CPNE2: variants seen among roughly 807,000 people sequenced by gnomAD.
CPNE2 encodes copine 2, also known as copine-2.
Under a neutral mutation model 69.7 loss-of-function variants are expected in CPNE2, and 42 were observed. The observed-to-expected ratio is 0.60, with a 90% CI of 0.47 to 0.78. The LOEUF is 0.78. Among genes scored for constraint, CPNE2 ranks in the 30% least tolerant of loss-of-function variants. The probability of loss-of-function intolerance (pLI) is 0.00; values close to 1 mark genes in which losing one functional copy is unlikely to be tolerated. For synonymous variants in CPNE2, 294 were observed against 289.8 expected (o/e 1.01, Z -0.15); for missense variants, 587 against 732.0 (o/e 0.80, Z 2.29).
At chr16:57,138,311 C>T (rs1311394781) in intron 14 of CPNE2, among the ~76,000 whole-genome samples, 1 of 152,148 alleles carries the variant, frequency 6.6e-6, no homozygotes, top group Non-Finnish European at 1.5e-5. Flanking sequence ...TCACCCACTT[C>T]CCCATGGCCA....
chr16:57,127,662 T>A (rs1383749225), intron 11 of CPNE2, among the ~76,000 whole-genome samples, 187 bp from the exon 12 acceptor site: 1 of 152,198 alleles, frequency 6.6e-6, no homozygotes. Flanking sequence ...AGGCCACATG[T>A]TCACCAGGTC....
rs1277564188 is a variant in CPNE2, at chr16:57,121,088, C to T, written c.682-5C>T. The T allele has an allele frequency of 6.2e-7, 1 of 1,611,802 alleles. No individual in the cohort carries two copies. ...TCTGGGGTGACCGTGCTGAACCCAC[C>T]CCAGGTCATGTGCTACGACTATGAC... On this transcript the variant is annotated splice_region_variant and splice_polypyrimidine_tract_variant and intron_variant, in intron 7 of 15. Transcript: ENST00000290776.
chr16:57,121,256 C>A, intron 8 of CPNE2, 65 bp downstream of exon 8: 1 of 1,441,870 alleles, frequency 6.9e-7, no homozygotes, highest in Non-Finnish European at 9.6e-7. Context: ...GGCACCGGGT[C>A]TTGGGTCAGG....
chr16:57,145,906 G>GC lies in CPNE2; in HGVS notation c.1303-177dup, dbSNP rs1347425658. ...CAGGTCAGAGTTTAGAGCATGAGAG[G>GC]CCTGCAGGGGTGGGGTGCTGAGAGC... is the stretch of plus-strand genomic sequence containing the variant. On this transcript the variant is annotated intron_variant, in intron 14 of 15. Coordinates refer to ENST00000290776, the MANE Select transcript of CPNE2 (RefSeq NM_152727.6). 23 of 618,572 alleles carry GC rather than the reference G, an allele frequency of 3.7e-5. No homozygotes were observed. The East Asian group carries it at 5.8e-4, about 16-fold the overall frequency. The allele number at this position is 618,572 out of a possible 1,614,324, so 38.3% of individuals were successfully genotyped here.
chr16:57,124,401 C>T (rs2069785521), intron 10 of CPNE2: 1 of 456,534 alleles, frequency 2.2e-6, no homozygotes, highest in South Asian at 1.6e-5. Flanking sequence ...TTCCTATTTT[C>T]TGGGCACTTG....
intron 3 of CPNE2, among the ~76,000 whole-genome samples, chr16:57,113,885 C>T (rs936582701): frequency 2.0e-5 from 3 of 152,194 alleles, no homozygotes; most frequent in Admixed American, 6.5e-5. Context: ...TCCTGGAGGC[C>T]GGGAGCAAGC....
At chr16:57,098,295 G>A (rs528136699) in intron 1 of CPNE2, among the ~76,000 whole-genome samples, 1 of 152,262 alleles carries the variant, frequency 6.6e-6, no homozygotes, top group African/African-American at 2.4e-5. Flanking sequence ...CTGGCTGCCT[G>A]TTGGAGTGTG....
chr16:57,093,536 C>G (rs1567662969), intron 1 of CPNE2, among the ~76,000 whole-genome samples: 1 of 152,064 alleles, frequency 6.6e-6, no homozygotes, highest in Non-Finnish European at 1.5e-5. Flanking sequence ...CCACGTCCCC[C>G]CGAGTTCAAG....
At chr16:57,127,159 A>G (rs189149135) in intron 11 of CPNE2, among the ~76,000 whole-genome samples, 1 of 152,322 alleles carries the variant, frequency 6.6e-6, no homozygotes, top group Admixed American at 6.5e-5. Context: ...TGGGAGCACA[A>G]AAAGAGAGGC....
intron 10 of CPNE2, chr16:57,125,250 A>C (rs1489672446): frequency 2.2e-6 from 1 of 455,696 alleles, no homozygotes; most frequent in Non-Finnish European, 4.4e-6. Flanking sequence ...CCTGTTAATA[A>C]GCACCTGCCT....
intron 1 of CPNE2, among the ~76,000 whole-genome samples, chr16:57,096,971 G>C (rs114082993): frequency 6.6e-6 from 1 of 152,000 alleles, no homozygotes. Context: ...AGGAAACAGC[G>C]CATGCAAAGG....
intron 11 of CPNE2, among the ~76,000 whole-genome samples, chr16:57,127,421 T>C (rs1268294731): frequency 4.6e-5 from 7 of 152,150 alleles, no homozygotes; most frequent in Non-Finnish European, 2.9e-5. Context: ...TGGGACTGGA[T>C]GACACAGGAC....
In CPNE2 at chr16:57,137,263, C is replaced by T. The variant is rs1188586262; in HGVS notation, c.1283C>T (p.Thr428Ile). The change falls in exon 14 of 16, where the codon ACA becomes ATA. Residue 428 changes from threonine to isoleucine, a missense_variant. Thr to Ile is a moderately conservative substitution (Grantham distance 89). Around this residue, in one of 5 missense-constraint regions of CPNE2, gnomAD observed 185 missense variants for 252.3 expected, o/e 0.73. Transcript: ENST00000290776. Reference protein sequence around the residue: ...NHVARFAAQATQQRTATQYFI... With the variant: ...NHVARFAAQAIQQRTATQYFI... ...GTGGCCCGGTTTGCGGCCCAGGCCA[C>T]ACAACAGCGGACGGCCACGGTGAGT... 5 of 1,614,224 alleles carry T rather than the reference C, an allele frequency of 3.1e-6. No individual in the cohort carries two copies. Among genetic ancestry groups the T allele is most frequent in the African/African-American group, 1.3e-5 (1 of 75,058 alleles).
chr16:57,118,648 A>G (rs868086381), intron 5 of CPNE2, among the ~76,000 whole-genome samples: 4 of 141,678 alleles, frequency 2.8e-5, no homozygotes, highest in African/African-American at 1.1e-4. Context: ...GAGACCCCAT[A>G]GATGGATGGA....
At chr16:57,093,960 C>A in intron 1 of CPNE2, 1 of 442,402 alleles carries the variant, frequency 2.3e-6, no homozygotes, top group Non-Finnish European at 4.6e-6. Flanking sequence ...GGAACTTGGC[C>A]CAGACCCTCC....
At chr16:57,131,544 T>C (rs1447820852) in intron 12 of CPNE2, among the ~76,000 whole-genome samples, 1 of 152,184 alleles carries the variant, frequency 6.6e-6, no homozygotes, top group African/African-American at 2.4e-5. Flanking sequence ...TTCAAAGAAC[T>C]GAATGAGATG....
chr16:57,095,791 A>G (rs1345841670), intron 1 of CPNE2, among the ~76,000 whole-genome samples: 1 of 152,176 alleles, frequency 6.6e-6, no homozygotes, highest in Non-Finnish European at 1.5e-5. Context: ...TTATCTGGCC[A>G]CACTTGCTCT....
rs755169229 is a variant in CPNE2, at chr16:57,137,375, C to T, written c.1302+93C>T. On this transcript the variant is annotated intron_variant, in intron 14 of 15. Transcript: ENST00000290776. Reference sequence around the variant, plus strand: ...ATTCTGCCTTCTCTTTGCTTTAAATCCTAGTGGACACCTCTGGGCCTTGCT... The same window carrying T: ...ATTCTGCCTTCTCTTTGCTTTAAATTCTAGTGGACACCTCTGGGCCTTGCT... 6.3e-4 allele frequency: 936 copies of T among 1,479,002 alleles called. 4 individuals carry two copies. In the Middle Eastern group the frequency reaches 0.026, roughly 40 times the overall value. 91.6% of individuals were successfully genotyped at this position (1,479,002 alleles called of 1,614,324 possible). A position where few individuals can be genotyped will look rare whatever the true frequency, so the allele number is the denominator to read the frequency against.
chr16:57,117,650 C>T (rs1315013882), intron 5 of CPNE2, 83 bp downstream of exon 5: 20 of 1,461,068 alleles, frequency 1.4e-5, no homozygotes, highest in Admixed American at 1.9e-5. Flanking sequence ...TCCGGGACCT[C>T]GGGCCACCAC....
Sources: gnomAD v4.1 joint callset for allele counts (sites outside exome capture counted in the v4.1 genomes callset) on GRCh38, gnomAD v4.1.1 for gene constraint, gnomAD v4.1.1 regional missense constraint, MANE v1.5 for transcripts, NCBI Gene and HGNC (gene_info 2026-07-23, HGNC 2026-07-21) for gene names.